Variants in FKBP1C observed in about 807,000 individuals in gnomAD.
FKBP1C encodes the protein FKBP prolyl isomerase family member 1C.
In FKBP1C, 7 loss-of-function variants were observed where a neutral mutation model predicts 7.1. The ratio of observed to expected loss-of-function variants is 0.99; its 90% confidence interval spans 0.56 to 1.86. The LOEUF (loss-of-function observed/expected upper bound fraction) is 1.86. FKBP1C is among the 40% of genes most tolerant of loss of function. The pLI, the probability that FKBP1C is intolerant of heterozygous loss-of-function variation, is 0.00. For missense variants in FKBP1C, 159 were observed against 139.9 expected (o/e 1.14, Z -0.69); for synonymous variants, 56 against 51.2 (o/e 1.09, Z -0.40).
At chr6:63,211,544 G>A (rs779304259) in exon 1 of FKBP1C, 7 of 1,167,612 alleles carry the variant, frequency 6.0e-6, no homozygotes, top group Middle Eastern at 2.3e-4. Flanking sequence ...CCCGCTCGGC[G>A]TCGGCCGCCG....
At chr6:63,211,792 C>A (rs772824824) in exon 1 of FKBP1C, 11 of 1,613,802 alleles carry the variant, frequency 6.8e-6, no homozygotes, top group Non-Finnish European at 9.3e-6. Context: ...ACTATATCTC[C>A]AGATTATGCC....
exon 1 of FKBP1C, chr6:63,212,662 A>C (rs998134545): frequency 6.1e-6 from 1 of 165,138 alleles, no homozygotes. Flanking sequence ...GTAATCTCAT[A>C]ACTTTCCAAG....
chr6:63,212,527 C>T (rs1049092722), exon 1 of FKBP1C: 12 of 159,490 alleles, frequency 7.5e-5, no homozygotes, highest in Non-Finnish European at 4.5e-5. Context: ...ATGTTCACTG[C>T]GATGCTGGAC....
exon 1 of FKBP1C, chr6:63,212,993 A>G (rs1313654078): frequency 6.2e-6 from 1 of 160,350 alleles, no homozygotes; most frequent in Non-Finnish European, 1.5e-5. Context: ...TTATTATTGC[A>G]ATAAAAGTGC....
chr6:63,212,846 C>T (rs940713387), exon 1 of FKBP1C: 1 of 166,820 alleles, frequency 6.0e-6, no homozygotes, highest in African/African-American at 2.4e-5. Context: ...TGATGCTTGG[C>T]TCCCTCTGCT....
chr6:63,211,535 C>G lies in FKBP1C; in HGVS notation c.-22C>G, dbSNP rs1766103336. On this transcript the variant is annotated 5_prime_UTR_variant, in exon 1 of 1. Coordinates refer to ENST00000370659, the Ensembl canonical transcript of FKBP1C. ...CCACGCCGCCCGTCGCGCTGCCCGC[C>G]CGCTCGGCGTCGGCCGCCGCCATGG... is the stretch of plus-strand genomic sequence containing the variant. 4.8e-6 allele frequency: 5 copies of G among 1,039,862 alleles called. No homozygotes were observed. The East Asian group carries it at 1.3e-4, about 26-fold the overall frequency. 64.4% of individuals were successfully genotyped at this position (1,039,862 alleles called of 1,614,324 possible).
chr6:63,211,777 A>T, exon 1 of FKBP1C: 1 of 1,613,898 alleles, frequency 6.2e-7, no homozygotes, highest in Non-Finnish European at 8.5e-7. Flanking sequence ...CAGAGAGCCA[A>T]ACTGACTATA....
exon 1 of FKBP1C, chr6:63,211,536 C>T (rs752167659): frequency 9.5e-6 from 10 of 1,055,746 alleles, no homozygotes; most frequent in South Asian, 6.7e-5. Flanking sequence ...GCTGCCCGCC[C>T]GCTCGGCGTC....
chr6:63,212,250 T>C, exon 1 of FKBP1C: 2 of 359,152 alleles, frequency 5.6e-6, no homozygotes, highest in Non-Finnish European at 1.1e-5. Context: ...GGATAGGAAT[T>C]GGTGTTGAGG....
exon 1 of FKBP1C, chr6:63,211,506 C>G (rs1365658545): frequency 5.6e-6 from 4 of 708,846 alleles, no homozygotes; most frequent in South Asian, 3.4e-5. Flanking sequence ...AGGTCGCTGT[C>G]GGTCCACGCC....
exon 1 of FKBP1C, chr6:63,212,071 T>A (rs1766113180): frequency 1.5e-6 from 1 of 678,830 alleles, no homozygotes; most frequent in African/African-American, 1.8e-5. Flanking sequence ...TGTTTCCTCT[T>A]CCCCTTTCTC....
At chr6:63,212,236 G>A (rs901558409) in exon 1 of FKBP1C, 18 of 396,760 alleles carry the variant, frequency 4.5e-5, no homozygotes, top group Admixed American at 1.7e-4. Flanking sequence ...ATAAGTTAAC[G>A]TTAGGATAGG....
At chr6:63,213,024 A>AAATAAATAAATAAAT (rs1766128890), downstream of FKBP1C, 2 of 154,082 alleles carry the variant, frequency 1.3e-5, no homozygotes, top group Non-Finnish European at 3.0e-5. Context: ...CTTTTCTCAA[A>AAATAAATAAATAAAT]AAATAAATAA....
chr6:63,211,567 A>T lies in FKBP1C; in HGVS notation c.11A>T (p.His4Leu), dbSNP rs569720329. Reference sequence around the variant, plus strand: ...GCGTCGGCCGCCGCCATGGGAGTGCACGTGGAAACCATCTCCCCAGGAGAC... The same window carrying T: ...GCGTCGGCCGCCGCCATGGGAGTGCTCGTGGAAACCATCTCCCCAGGAGAC... Residue 4 changes from histidine (H) to leucine (L), a missense_variant, in exon 1 of 1, where the codon CAC becomes CTC. Physicochemically the swap from His to Leu is moderately conservative, Grantham distance 99. Transcript: ENST00000370659. 22 of 1,394,660 alleles carry T rather than the reference A, an allele frequency of 1.6e-5. No individual in the cohort carries two copies. The African/African-American group carries it at 3.1e-4, about 20-fold the overall frequency. The allele number at this position is 1,394,660 out of a possible 1,614,324, so 86.4% of individuals were successfully genotyped here. A position where few individuals can be genotyped will look rare whatever the true frequency, so the allele number is the denominator to read the frequency against.
At chr6:63,212,545 G>A (rs1271777646) in exon 1 of FKBP1C, 2 of 164,270 alleles carry the variant, frequency 1.2e-5, no homozygotes, top group Non-Finnish European at 3.0e-5. Context: ...GACACTACAG[G>A]TATCTGTCCC....
At chr6:63,212,241 G>T (rs1766115236) in exon 1 of FKBP1C, 2 of 378,400 alleles carry the variant, frequency 5.3e-6, no homozygotes, top group Middle Eastern at 8.0e-4. Flanking sequence ...TTAACGTTAG[G>T]ATAGGAATTG....
In FKBP1C at chr6:63,211,500, C is replaced by A. The variant is rs1243320971; in HGVS notation, c.-57C>A. ...CAGAGCCGTGGAACCGCCGCCAGGT[C>A]GCTGTCGGTCCACGCCGCCCGTCGC... On this transcript the variant is annotated 5_prime_UTR_variant, in exon 1 of 1. Coordinates refer to ENST00000370659, the Ensembl canonical transcript of FKBP1C. 1.3e-5 allele frequency: 9 copies of A among 679,664 alleles called. No individual in the cohort carries two copies. In the East Asian group the frequency reaches 1.9e-4, roughly 15 times the overall value. 42.1% of individuals were successfully genotyped at this position (679,664 alleles called of 1,614,324 possible). A position where few individuals can be genotyped will look rare whatever the true frequency, so the allele number is the denominator to read the frequency against.
At chr6:63,211,553 C>T (rs769217252) in exon 1 of FKBP1C, 10 of 1,284,878 alleles carry the variant, frequency 7.8e-6, no homozygotes, top group Middle Eastern at 2.0e-4. Context: ...CGTCGGCCGC[C>T]GCCATGGGAG....
At chr6:63,212,718 T>C (rs1185092568) in exon 1 of FKBP1C, 1 of 166,984 alleles carries the variant, frequency 6.0e-6, no homozygotes, top group Non-Finnish European at 1.5e-5. Context: ...ACAGTTTCAA[T>C]TGAAGGTGCT....
Sources: allele counts gnomAD v4.1 joint callset, GRCh38; gene constraint gnomAD v4.1.1; transcripts MANE v1.5; gene names NCBI Gene and HGNC (gene_info 2026-07-23, HGNC 2026-07-21).